Variants in C8orf34 observed in about 807,000 individuals in gnomAD.
The protein encoded by C8orf34 is uncharacterized protein C8orf34.
Under a neutral mutation model 68.3 loss-of-function variants are expected in C8orf34, and 65 were observed. The observed-to-expected ratio is 0.95, with a 90% CI of 0.78 to 1.17. C8orf34 has a LOEUF of 1.17. Among genes scored for constraint, C8orf34 ranks in the 50% most tolerant of loss-of-function variants. C8orf34 has a pLI of 0.00. For missense variants in C8orf34, 664 were observed against 655.4 expected (o/e 1.01, Z -0.14); for synonymous variants, 244 against 241.2 (o/e 1.01, Z -0.11).
intron 7 of C8orf34, among the ~76,000 whole-genome samples, chr8:68,578,127 G>T (rs1816961583): frequency 6.6e-6 from 1 of 151,940 alleles, no homozygotes; most frequent in Non-Finnish European, 1.5e-5. Context: ...AGAAGGAAAG[G>T]AATAGGCACT....
chr8:68,706,710 A>C (rs1452567353), intron 8 of C8orf34, among the ~76,000 whole-genome samples: 1 of 152,208 alleles, frequency 6.6e-6, no homozygotes, highest in Non-Finnish European at 1.5e-5. Flanking sequence ...CTTTAAGATT[A>C]GTAGGTAGAT....
chr8:68,790,139 T>G (rs1823952288), intron 12 of C8orf34, among the ~76,000 whole-genome samples: 1 of 152,220 alleles, frequency 6.6e-6, no homozygotes. Context: ...CTGGGACATG[T>G]ATACATTGGA....
intron 8 of C8orf34, among the ~76,000 whole-genome samples, chr8:68,681,593 ACAGTTTGGAAGTTC>A (rs1820373774): frequency 6.6e-6 from 1 of 152,196 alleles, no homozygotes; most frequent in Non-Finnish European, 1.5e-5. Context: ...ACTATGGAGA[ACAGTTTGGAAGTTC>A]CTCGAAAAAC....
chr8:68,813,451 T>C lies in C8orf34; in HGVS notation c.1550-2435T>C, dbSNP rs564612854. Among the ~76,000 whole-genome samples, 16 of 152,312 alleles carry C rather than the reference T, an allele frequency of 1.1e-4. No homozygotes were observed. The South Asian group carries it at 1.9e-3, about 18-fold the overall frequency. ...ATCAAAATAAAGTCTTCTCCTGCACTTGTACTGTTGAATATTTTCCAGATC... is the reference window on the plus strand; with the variant it reads ...ATCAAAATAAAGTCTTCTCCTGCACCTGTACTGTTGAATATTTTCCAGATC... On this transcript the variant is annotated intron_variant, in intron 12 of 13. Transcript: ENST00000518698.
In C8orf34 at chr8:68,579,253, T is replaced by C. The variant is rs148265440; in HGVS notation, c.1105+46104T>C. Among the ~76,000 whole-genome samples, 399 of 152,270 alleles carry C rather than the reference T, an allele frequency of 2.6e-3. 3 individuals carry two copies. The highest frequency in any genetic ancestry group is 8.9e-3 in the African/African-American group (371 of 41,578). On this transcript the variant is annotated intron_variant, in intron 7 of 13. Coordinates refer to ENST00000518698, the MANE Select transcript of C8orf34 (RefSeq NM_052958.4). Reference sequence around the variant, plus strand: ...TCTAAAAGACCTTTATCAAATTCTATAGAAGCACAAAATGAAAATAATTGA... The same window carrying C: ...TCTAAAAGACCTTTATCAAATTCTACAGAAGCACAAAATGAAAATAATTGA...
At chr8:68,745,164 T>C (rs901203952) in intron 10 of C8orf34, among the ~76,000 whole-genome samples, 5 of 151,868 alleles carry the variant, frequency 3.3e-5, no homozygotes, top group Non-Finnish European at 5.9e-5. Flanking sequence ...AAATAAAATC[T>C]TTTCCAGACA....
chr8:68,415,381 G>GAGGCAGGAGAATCATTTGA (rs1248678123), intron 1 of C8orf34, among the ~76,000 whole-genome samples: 1 of 152,150 alleles, frequency 6.6e-6, no homozygotes, highest in Non-Finnish European at 1.5e-5. Context: ...TCAGCAGGCT[G>GAGGCAGGAGAATCATTTGA]AGGCAGGAGA....
intron 8 of C8orf34, among the ~76,000 whole-genome samples, chr8:68,686,487 A>G (rs551962598): frequency 6.6e-6 from 1 of 152,254 alleles, no homozygotes; most frequent in Non-Finnish European, 1.5e-5. Context: ...TATGAGAGTC[A>G]ATAAATGTGA....
At chr8:68,705,921 G>A (rs1283086784) in intron 8 of C8orf34, among the ~76,000 whole-genome samples, 3 of 152,194 alleles carry the variant, frequency 2.0e-5, no homozygotes, top group African/African-American at 7.2e-5. Flanking sequence ...AGGGCCTCTT[G>A]CGCTCTGCGC....
intron 12 of C8orf34, among the ~76,000 whole-genome samples, chr8:68,806,303 A>G (rs1169334172): frequency 2.0e-5 from 3 of 151,702 alleles, no homozygotes. Flanking sequence ...ATATTGGATC[A>G]CCTTTCTTCT....
intron 8 of C8orf34, among the ~76,000 whole-genome samples, chr8:68,679,408 T>C (rs1233594276): frequency 2.6e-5 from 4 of 151,822 alleles, no homozygotes; most frequent in Admixed American, 1.3e-4. Context: ...TATAAAACAC[T>C]GATGAAAAAA....
chr8:68,456,702 T>A (rs970492268), intron 3 of C8orf34, among the ~76,000 whole-genome samples: 1 of 151,968 alleles, frequency 6.6e-6, no homozygotes, highest in Non-Finnish European at 1.5e-5. Flanking sequence ...ATAAGATAAG[T>A]AGGTTTTGAT....
intron 8 of C8orf34, among the ~76,000 whole-genome samples, chr8:68,682,413 C>A (rs117835404): frequency 6.6e-6 from 1 of 152,152 alleles, no homozygotes; most frequent in East Asian, 1.9e-4. Flanking sequence ...TAGATTGGTG[C>A]CTTCTCCATT....
chr8:68,413,435 G>T (rs572167976), intron 1 of C8orf34, among the ~76,000 whole-genome samples: 1 of 152,170 alleles, frequency 6.6e-6, no homozygotes, highest in African/African-American at 2.4e-5. Context: ...ACAAATAAAA[G>T]CACCAGTTAT....
At chr8:68,790,070 A>G (rs190182266) in intron 12 of C8orf34, among the ~76,000 whole-genome samples, 51 of 152,348 alleles carry the variant, frequency 3.3e-4, no homozygotes, top group African/African-American at 1.2e-3. Flanking sequence ...GCTAGTTAGC[A>G]TTGTAGCCAA....
intron 1 of C8orf34, among the ~76,000 whole-genome samples, chr8:68,414,477 G>C (rs1809577553): frequency 6.6e-6 from 1 of 152,178 alleles, no homozygotes; most frequent in African/African-American, 2.4e-5. Flanking sequence ...ATGATAGGAG[G>C]AAATTTTTTC....
chr8:68,384,298 C>T (rs1202298859), intron 1 of C8orf34, among the ~76,000 whole-genome samples: 2 of 152,164 alleles, frequency 1.3e-5, no homozygotes, highest in African/African-American at 4.8e-5. Context: ...GAACATGTAT[C>T]AATGGCTTTT....
chr8:68,705,524 T>C (rs558647847), intron 8 of C8orf34, among the ~76,000 whole-genome samples: 1 of 151,998 alleles, frequency 6.6e-6, no homozygotes, highest in Non-Finnish European at 1.5e-5. Context: ...TGCAAGGCAA[T>C]TAGGAGGTCA....
At chr8:68,525,956 C>CTTTCT (rs1814962801) in intron 6 of C8orf34, 2 of 171,396 alleles carry the variant, frequency 1.2e-5, no homozygotes, top group Non-Finnish European at 2.1e-5. Flanking sequence ...TTCTTTCTTT[C>CTTTCT]TTTTTTTTTT....
Sources: gnomAD v4.1 joint callset for allele counts (sites outside exome capture counted in the v4.1 genomes callset) on GRCh38, gnomAD v4.1.1 for gene constraint, MANE v1.5 for transcripts, NCBI Gene and HGNC (gene_info 2026-07-23, HGNC 2026-07-21) for gene names.